TMEM267: variants seen among roughly 807,000 people sequenced by gnomAD.
The protein encoded by TMEM267 is transmembrane protein C5orf28.
In TMEM267, 20 loss-of-function variants were observed where a neutral mutation model predicts 19.3. The observed-to-expected ratio is 1.04, with a 90% CI of 0.73 to 1.51. The LOEUF (loss-of-function observed/expected upper bound fraction) is 1.51. Among genes scored for constraint, TMEM267 ranks in the 40% most tolerant of loss-of-function variants. The pLI is 0.00. For synonymous variants in TMEM267, 88 were observed against 90.3 expected, an observed-to-expected ratio of 0.97 and a Z score of 0.15; for missense variants, 242 against 261.9, an observed-to-expected ratio of 0.92 and a Z score of 0.52.
chr5:43,467,630 T>C (rs913539913), intron 1 of TMEM267, among the ~76,000 whole-genome samples: 1 of 152,104 alleles, frequency 6.6e-6, no homozygotes, highest in African/African-American at 2.4e-5. Flanking sequence ...AATATAATAA[T>C]AGTTGGATAC....
At chr5:43,457,697 C>A (rs1479622780) in intron 1 of TMEM267, among the ~76,000 whole-genome samples, 2 of 151,816 alleles carry the variant, frequency 1.3e-5, no homozygotes, top group Non-Finnish European at 2.9e-5. Context: ...GGTGAGGACA[C>A]AAATCCAAAC....
Position 43,446,549 on chromosome 5 carries a change from C to T in TMEM267, c.321G>A (p.Leu107=). ...LAGSMSLKAA[L]TLPRRPFLHC... is the part of the protein sequence containing the mutation. ...GAAGGAAAGGTCTTCGCGGGAGAGT[C>T]AAAGCAGCCTGAGGGAGCAAAGTAA... Residue 107 remains leucine, a synonymous_variant, in exon 3 of 3, where the codon TTG becomes TTA. Coordinates refer to ENST00000397080, the MANE Select transcript of TMEM267 (RefSeq NM_022483.5). 6.2e-7 allele frequency: 1 copy of T among 1,604,412 alleles called. No homozygotes were observed. The highest frequency in any genetic ancestry group is 8.5e-7 in the Non-Finnish European group (1 of 1,174,272).
chr5:43,482,750 CCT>C (rs1744865239), intron 1 of TMEM267, among the ~76,000 whole-genome samples: 1 of 152,222 alleles, frequency 6.6e-6, no homozygotes, highest in Admixed American at 6.5e-5. Flanking sequence ...ACCCCATCCC[CCT>C]TATAGCAAAT....
chr5:43,447,097 C>CT (rs201238947), intron 2 of TMEM267, among the ~76,000 whole-genome samples: 1,688 of 140,402 alleles, frequency 0.012, 18 homozygotes, highest in African/African-American at 0.029. Context: ...CAGTAAATTT[C>CT]TTTTTTTTTT....
At position 43,483,864 on chromosome 5, in the gene TMEM267, G is replaced by T. The variant is rs1406259508; in HGVS notation, c.-117C>A. ...CAATCCAGCAGCAGCTCGAGCAGCG[G>T]CTCCGCCCCTCGGTCGGAGCCATAG... On this transcript the variant is annotated 5_prime_UTR_variant, in exon 1 of 3. Coordinates refer to ENST00000397080, the MANE Select transcript of TMEM267 (RefSeq NM_022483.5). The T allele has an allele frequency of 6.6e-6, 1 of 152,340 alleles. No homozygotes were observed. The highest frequency in any genetic ancestry group is 1.5e-5 in the Non-Finnish European group (1 of 68,170). The allele number at this position is 152,340 out of a possible 1,614,324, so 9.4% of individuals were successfully genotyped here.
chr5:43,472,060 C>T (rs1392709307), intron 1 of TMEM267, among the ~76,000 whole-genome samples: 1 of 151,730 alleles, frequency 6.6e-6, no homozygotes, highest in African/African-American at 2.4e-5. Context: ...GGAATAATAA[C>T]CAAAATACGT....
In TMEM267 at chr5:43,448,579, C is replaced by G. The variant is rs976928242; in HGVS notation, c.313-2022G>C. Among the ~76,000 whole-genome samples the G allele has an allele frequency of 3.3e-5, 5 of 152,218 alleles. 1 individual carries two copies. In the South Asian group the frequency reaches 1.0e-3, roughly 32 times the overall value. On this transcript the variant is annotated intron_variant, in intron 2 of 2. Transcript: ENST00000397080. ...ATCACCTGAGGTCAGGAGCTCGAGACCAGCCTGACCAACATGAAGAAACCC... is the reference window on the plus strand; with the variant it reads ...ATCACCTGAGGTCAGGAGCTCGAGAGCAGCCTGACCAACATGAAGAAACCC...
intron 2 of TMEM267, among the ~76,000 whole-genome samples, chr5:43,451,054 G>A (rs1270312937): frequency 6.6e-6 from 1 of 151,990 alleles, no homozygotes; most frequent in Non-Finnish European, 1.5e-5. Flanking sequence ...GGCCAGGATG[G>A]TCTTGATCTT....
rs1742217415 is a variant in TMEM267, at chr5:43,446,088, A to G, written c.*134T>C. ...TTAAAAAAGTTGTATACACTTCCTG[A>G]GCAAGAGGATTGCAGAATTATAATA... On this transcript the variant is annotated 3_prime_UTR_variant, in exon 3 of 3. Transcript: ENST00000397080. 5.2e-6 allele frequency: 3 copies of G among 580,872 alleles called. No homozygotes were observed. The highest frequency in any genetic ancestry group is 2.9e-6 in the Non-Finnish European group (1 of 340,044). 36.0% of individuals were successfully genotyped at this position (580,872 alleles called of 1,614,324 possible).
At chr5:43,453,113 T>C (rs1012669750) in intron 2 of TMEM267, among the ~76,000 whole-genome samples, 2 of 152,220 alleles carry the variant, frequency 1.3e-5, no homozygotes, top group African/African-American at 4.8e-5. Flanking sequence ...TTCTAGCCAG[T>C]CCAGTTGAAA....
chr5:43,483,634 C>T (rs1744945242), intron 1 of TMEM267, among the ~76,000 whole-genome samples, 188 bp downstream of exon 1: 1 of 152,206 alleles, frequency 6.6e-6, no homozygotes, highest in Admixed American at 6.5e-5. Flanking sequence ...TCGTGGGTCA[C>T]ACGCACCCAG....
chr5:43,471,983 A>G (rs1744107140), intron 1 of TMEM267, among the ~76,000 whole-genome samples: 1 of 152,194 alleles, frequency 6.6e-6, no homozygotes, highest in South Asian at 2.1e-4. Flanking sequence ...AAAGGATACA[A>G]TCAGTAAAGT....
intron 1 of TMEM267, among the ~76,000 whole-genome samples, chr5:43,472,682 A>C (rs1268723282): frequency 1.3e-5 from 2 of 152,226 alleles, no homozygotes; most frequent in Non-Finnish European, 2.9e-5. Context: ...AAGTGAAATA[A>C]GCCAGACACA....
intron 1 of TMEM267, among the ~76,000 whole-genome samples, chr5:43,469,370 T>C (rs991699945): frequency 1.3e-5 from 2 of 152,154 alleles, no homozygotes; most frequent in Non-Finnish European, 2.9e-5. Flanking sequence ...AATAAAATAC[T>C]AGCAAACTGA....
At chr5:43,481,967 C>A (rs1579840801) in intron 1 of TMEM267, among the ~76,000 whole-genome samples, 1 of 152,170 alleles carries the variant, frequency 6.6e-6, no homozygotes, top group South Asian at 2.1e-4. Flanking sequence ...CTCAGCCTCC[C>A]GAATAGCTGG....
chr5:43,468,428 C>A (rs111665640), intron 1 of TMEM267, among the ~76,000 whole-genome samples: 1 of 152,106 alleles, frequency 6.6e-6, no homozygotes, highest in African/African-American at 2.4e-5. Context: ...CTGTCTGGTT[C>A]TCTTAGCTAA....
At chr5:43,474,201 C>T (rs1400759660) in intron 1 of TMEM267, among the ~76,000 whole-genome samples, 1 of 152,140 alleles carries the variant, frequency 6.6e-6, no homozygotes, top group Non-Finnish European at 1.5e-5. Context: ...CAGGCATGGG[C>T]AAAGACTTCG....
intron 1 of TMEM267, among the ~76,000 whole-genome samples, chr5:43,466,330 A>G (rs987442335): frequency 2.6e-5 from 4 of 152,222 alleles, no homozygotes; most frequent in African/African-American, 9.6e-5. Flanking sequence ...TTTTCAGGCT[A>G]GGAGACAGTG....
upstream of TMEM267, chr5:43,484,008 A>G (rs541990988): frequency 3.3e-5 from 5 of 152,358 alleles, no homozygotes; most frequent in African/African-American, 9.6e-5. Context: ...TGCGGTGGGT[A>G]GATACCTCGA....
Sources: allele counts gnomAD v4.1 joint callset (sites outside exome capture counted in the v4.1 genomes callset), GRCh38; gene constraint gnomAD v4.1.1; transcripts MANE v1.5; gene names NCBI Gene and HGNC (gene_info 2026-07-23, HGNC 2026-07-21).